Variants in SCP2 observed in about 807,000 individuals in gnomAD.
The protein encoded by SCP2 is sterol carrier protein 2, also known as SCP-2/3-oxoacyl-CoA thiolase.
Under a neutral mutation model 71.4 loss-of-function variants are expected in SCP2, and 48 were observed. That is an observed-to-expected ratio of 0.67 (90% CI 0.53 to 0.86). SCP2 has a LOEUF of 0.86. SCP2 is among the 40% of genes least tolerant of loss of function. The pLI is 0.00. For missense variants in SCP2, 560 were observed against 655.6 expected (o/e 0.85, Z 1.59); for synonymous variants, 220 against 218.1 (o/e 1.01, Z -0.08).
intron 13 of SCP2, among the ~76,000 whole-genome samples, chr1:53,033,912 T>C (rs980452466): frequency 3.3e-5 from 5 of 152,218 alleles, no homozygotes; most frequent in African/African-American, 1.2e-4. Context: ...CATCAGCTGC[T>C]GAATACATAA....
At position 52,994,571 on chromosome 1, in the gene SCP2, A is replaced by T. The variant is rs1286862311; in HGVS notation, c.1081+6435A>T. The T allele has an allele frequency of 2.0e-5, 6 of 302,412 alleles. 1 individual carries two copies. The East Asian group carries it at 6.0e-4, about 30-fold the overall frequency. 18.7% of individuals were successfully genotyped at this position (302,412 alleles called of 1,614,324 possible). Reference sequence around the variant, plus strand: ...AATAAAATGCACAGTTCTGCCTCTCAGAACCTTCCTGCTGCCACATTTGCA... The same window carrying T: ...AATAAAATGCACAGTTCTGCCTCTCTGAACCTTCCTGCTGCCACATTTGCA... On this transcript the variant is annotated intron_variant, in intron 11 of 15. Transcript: ENST00000371514.
At chr1:53,047,496 G>A (rs10788947) in intron 14 of SCP2, among the ~76,000 whole-genome samples, 27,316 of 152,074 alleles carry the variant, frequency 0.18, 5,319 homozygotes, top group African/African-American at 0.49. Context: ...AAGCAAAAAT[G>A]GCATCATACA....
intron 11 of SCP2, among the ~76,000 whole-genome samples, chr1:52,989,867 G>A (rs567670686): frequency 6.0e-4 from 92 of 152,244 alleles, no homozygotes; most frequent in African/African-American, 2.1e-3. Flanking sequence ...GCCTAATGGC[G>A]TATATAAGGT....
At chr1:53,032,893 TACAAA>T (rs1662657898) in intron 13 of SCP2, among the ~76,000 whole-genome samples, 1 of 81,376 alleles carries the variant, frequency 1.2e-5, no homozygotes, top group Admixed American at 1.4e-4. Flanking sequence ...AAATTATATA[TACAAA>T]ATATATTTAA....
At chr1:53,039,876 T>A (rs1663297185) in intron 14 of SCP2, among the ~76,000 whole-genome samples, 1 of 152,356 alleles carries the variant, frequency 6.6e-6, no homozygotes, top group Non-Finnish European at 1.5e-5. Flanking sequence ...ACAAGTTTAC[T>A]TGGACACCTA....
intron 14 of SCP2, among the ~76,000 whole-genome samples, chr1:53,044,952 G>A (rs529314384): frequency 2.6e-5 from 4 of 152,186 alleles, no homozygotes; most frequent in Non-Finnish European, 5.9e-5. Flanking sequence ...AATTAGAAAA[G>A]ATAGACAAAC....
rs78908840 is a variant in SCP2, at chr1:53,019,516, G to A, written c.1235+4473G>A. The stretch of plus-strand genomic sequence containing the variant: ...TTTTAGTAGTTCCTTACTTTCTGGC[G>A]CAAGAAGATATTCCAGGCTCGTCCT... On this transcript the variant is annotated intron_variant, in intron 12 of 15. Transcript: ENST00000371514. Among the ~76,000 whole-genome samples the A allele has an allele frequency of 6.3e-3, 953 of 152,162 alleles. 16 individuals are homozygous for A. Among genetic ancestry groups the A allele is most frequent in the African/African-American group, 0.022 (915 of 41,514 alleles).
chr1:52,948,411 C>T (rs934317341), intron 3 of SCP2, among the ~76,000 whole-genome samples: 14 of 152,084 alleles, frequency 9.2e-5, no homozygotes, highest in African/African-American at 1.7e-4. Context: ...TTTGGGAGGC[C>T]GAGGCAGGCG....
At position 53,014,901 on chromosome 1, in the gene SCP2, T is replaced by C; in HGVS notation, c.1093T>C (p.Cys365Arg). The C allele has an allele frequency of 6.2e-7, 1 of 1,613,188 alleles. No individual in the cohort carries two copies. The highest frequency in any genetic ancestry group is 8.5e-7 in the Non-Finnish European group (1 of 1,179,888). The change falls in exon 12 of 16, where the codon TGT becomes CGT. Residue 365 changes from cysteine to arginine, a missense_variant. Transcript: ENST00000371514. ...GTTCGATTTGTTAGGTCTTGCTCAGTGTGCAGAACTCTGCTGGCAGCTGAG... is the reference window on the plus strand; with the variant it reads ...GTTCGATTTGTTAGGTCTTGCTCAGCGTGCAGAACTCTGCTGGCAGCTGAG... The part of the protein sequence containing the change: ...HPLGATGLAQ[C>R]AELCWQLRGE...
In SCP2 at chr1:53,021,975, A is replaced by G. The variant is rs80097683; in HGVS notation, c.1236-5994A>G. On this transcript the variant is annotated intron_variant, in intron 12 of 15. Transcript: ENST00000371514. ...AACCATTTTTTAAAAATTATTTCAGATAACTTTATTAAGACCTAATTCACA... is the reference window on the plus strand; with the variant it reads ...AACCATTTTTTAAAAATTATTTCAGGTAACTTTATTAAGACCTAATTCACA... 6.2e-3 allele frequency among the ~76,000 whole-genome samples: 947 copies of G among 152,316 alleles called. 15 individuals are homozygous for G. Among genetic ancestry groups the G allele is most frequent in the African/African-American group, 0.022 (910 of 41,568 alleles).
chr1:52,956,890 C>T (rs1434334626), intron 5 of SCP2, among the ~76,000 whole-genome samples: 1 of 142,728 alleles, frequency 7.0e-6, no homozygotes, highest in Non-Finnish European at 1.5e-5. Flanking sequence ...AATTAAAAGT[C>T]CCTCCTTCTG....
intron 5 of SCP2, among the ~76,000 whole-genome samples, chr1:52,961,066 CTTTTTTTTT>C (rs774047289): frequency 2.2e-5 from 2 of 92,196 alleles, no homozygotes; most frequent in East Asian, 3.1e-4. Context: ...TCCTTTGGTT[CTTTTTTTTT>C]TTTTTTTTTT....
intron 13 of SCP2, among the ~76,000 whole-genome samples, chr1:53,029,812 C>G (rs1382122754): frequency 2.0e-5 from 3 of 152,228 alleles, no homozygotes; most frequent in Admixed American, 6.5e-5. Context: ...TGGGATGCAT[C>G]CACATGGGGC....
intron 6 of SCP2, among the ~76,000 whole-genome samples, chr1:52,971,861 G>A (rs1056518529): frequency 2.0e-5 from 3 of 152,222 alleles, no homozygotes; most frequent in Admixed American, 2.0e-4. Flanking sequence ...CAGAAAGGTG[G>A]AGGAAGTTAA....
At chr1:52,960,977 C>A (rs1334517053) in intron 5 of SCP2, among the ~76,000 whole-genome samples, 2 of 151,442 alleles carry the variant, frequency 1.3e-5, no homozygotes, top group African/African-American at 4.9e-5. Flanking sequence ...GTCTTGAACT[C>A]CTGAGCTCAA....
At chr1:52,961,066 CTT>C (rs774047289) in intron 5 of SCP2, among the ~76,000 whole-genome samples, 4,366 of 92,162 alleles carry the variant, frequency 0.047, 236 homozygotes, top group African/African-American at 0.15. Context: ...TCCTTTGGTT[CTT>C]TTTTTTTTTT....
intron 6 of SCP2, among the ~76,000 whole-genome samples, chr1:52,973,718 T>C (rs1435042158): frequency 2.6e-5 from 4 of 152,138 alleles, no homozygotes; most frequent in African/African-American, 9.7e-5. Context: ...AGATGACAGG[T>C]GTATGCCACT....
At chr1:52,943,226 C>CTT (rs1217932879) in intron 2 of SCP2, among the ~76,000 whole-genome samples, 8 of 141,388 alleles carry the variant, frequency 5.7e-5, no homozygotes, top group Admixed American at 4.2e-4. Context: ...ATGGTGGGTT[C>CTT]TTTTTTTTTT....
intron 11 of SCP2, among the ~76,000 whole-genome samples, chr1:53,000,095 T>C (rs796427784): frequency 3.6e-4 from 54 of 151,984 alleles, no homozygotes; most frequent in African/African-American, 1.3e-3. Flanking sequence ...GCGTGAGCTG[T>C]CACACCCGGC....
Sources: gnomAD v4.1 joint callset for allele counts (sites outside exome capture counted in the v4.1 genomes callset) on GRCh38, gnomAD v4.1.1 for gene constraint, MANE v1.5 for transcripts, NCBI Gene and HGNC (gene_info 2026-07-23, HGNC 2026-07-21) for gene names.